Variants in NMT1 observed in about 807,000 individuals in gnomAD.
NMT1 encodes glycylpeptide N-tetradecanoyltransferase 1.
A neutral mutation model predicts 63.4 loss-of-function variants in NMT1; 12 were observed. The observed-to-expected ratio is 0.19, with a 90% CI of 0.12 to 0.31. The LOEUF (loss-of-function observed/expected upper bound fraction) is 0.31. Ranked by LOEUF, NMT1 falls within the 10% of genes least tolerant of loss-of-function variation. The pLI is 1.00. For synonymous variants in NMT1, 228 were observed against 234.3 expected, an observed-to-expected ratio of 0.97 and a Z score of 0.25; for missense variants, 432 against 634.6, an observed-to-expected ratio of 0.68 and a Z score of 3.43.
In NMT1 at chr17:45,097,124, C is replaced by T. The variant is rs758891846; in HGVS notation, c.597-4C>T. On this transcript the variant is annotated splice_region_variant and splice_polypyrimidine_tract_variant and intron_variant, in intron 5 of 11. Coordinates refer to ENST00000258960, the MANE Select transcript of NMT1 (RefSeq NM_021079.5). ...GCACAACCACCCCAGCCTCTCTTTT[C>T]CAGGGCTCTCCGGCCACCCGGCTGG... 1.9e-5 allele frequency: 30 copies of T among 1,613,302 alleles called. No homozygotes were observed. The highest frequency in any genetic ancestry group is 2.3e-5 in the Non-Finnish European group (27 of 1,179,312).
intron 1 of NMT1, among the ~76,000 whole-genome samples, chr17:45,066,980 A>T: frequency 6.6e-6 from 1 of 152,106 alleles, no homozygotes; most frequent in East Asian, 1.9e-4. Flanking sequence ...TTGGCCTCCC[A>T]AACTGCTGGG....
rs552282490 is a variant in NMT1, at chr17:45,069,323, G to A, written c.131+7863G>A. On this transcript the variant is annotated intron_variant, in intron 1 of 11. Transcript: ENST00000258960. ...TTATTTATTTTTGAGACAGAGTCTC[G>A]CTCTGTTGCCCAGGCTGGAGTGCAG... 7.6e-4 allele frequency among the ~76,000 whole-genome samples: 101 copies of A among 132,576 alleles called. 2 individuals are homozygous for A. In the South Asian group the frequency reaches 0.023, roughly 31 times the overall value. The allele number at this position is 132,576 out of a possible 152,430, so 87.0% of individuals were successfully genotyped here.
At chr17:45,086,964 G>C (rs1486856336) in intron 3 of NMT1, among the ~76,000 whole-genome samples, 4 of 150,428 alleles carry the variant, frequency 2.7e-5, no homozygotes, top group Non-Finnish European at 5.9e-5. Context: ...TTCGAGACCA[G>C]CCTGGGCAAC....
At chr17:45,094,964 C>CA (rs1486402602) in intron 4 of NMT1, among the ~76,000 whole-genome samples, 1 of 151,856 alleles carries the variant, frequency 6.6e-6, no homozygotes, top group African/African-American at 2.4e-5. Flanking sequence ...AACCATCTGT[C>CA]ACCATGCATG....
chr17:45,072,373 C>T (rs113796265), intron 1 of NMT1, among the ~76,000 whole-genome samples: 1 of 151,592 alleles, frequency 6.6e-6, no homozygotes, highest in Non-Finnish European at 1.5e-5. Flanking sequence ...GATTCTTCTG[C>T]CTCAGCCTCC....
Position 45,096,176 on chromosome 17 carries a change from C to T in NMT1, c.505-18C>T. The T allele has an allele frequency of 2.5e-6, 4 of 1,589,928 alleles. No homozygotes were observed. Among genetic ancestry groups the T allele is most frequent in the Non-Finnish European group, 3.5e-6 (4 of 1,157,914 alleles). On this transcript the variant is annotated intron_variant, in intron 4 of 11. Transcript: ENST00000258960. Reference sequence around the variant, plus strand: ...ACCTGGCAGAATACCTCCAAGTGAGCTGCTTATTTCTTTACAGCTAAAAGA... The same window carrying T: ...ACCTGGCAGAATACCTCCAAGTGAGTTGCTTATTTCTTTACAGCTAAAAGA...
chr17:45,092,827 A>C (rs182326773), intron 3 of NMT1, among the ~76,000 whole-genome samples: 3 of 152,324 alleles, frequency 2.0e-5, no homozygotes, highest in African/African-American at 7.2e-5. Context: ...GAACACTGTT[A>C]CTGGGTTGGT....
chr17:45,098,984 T>C (rs1444461005), intron 7 of NMT1: 1 of 227,294 alleles, frequency 4.4e-6, no homozygotes, highest in African/African-American at 2.2e-5. Context: ...TAGAAAGTTG[T>C]TTAAAACAAT....
intron 1 of NMT1, among the ~76,000 whole-genome samples, chr17:45,071,890 C>T (rs992025131): frequency 2.6e-5 from 4 of 152,256 alleles, no homozygotes; most frequent in African/African-American, 7.2e-5. Context: ...CACACCACCA[C>T]ACCTGGCTGG....
chr17:45,079,386 G>A (rs566172606), intron 1 of NMT1, among the ~76,000 whole-genome samples: 2 of 151,984 alleles, frequency 1.3e-5, no homozygotes, highest in East Asian at 2.0e-4. Flanking sequence ...ACAGGCATAA[G>A]CCACCGCGCC....
Position 45,096,706 on chromosome 17 carries a change from G to A in NMT1, c.596+421G>A, listed in dbSNP as rs1208485550. On this transcript the variant is annotated intron_variant, in intron 5 of 11. Transcript: ENST00000258960. ...ATCCAGGAAGAGAGAGGCATGGGCC[G>A]AAATGGAGAGGGACTACCTGAAAGG... Among the ~76,000 whole-genome samples the A allele has an allele frequency of 2.0e-5, 3 of 152,206 alleles. No homozygotes were observed. The East Asian group carries it at 5.8e-4, about 29-fold the overall frequency.
In NMT1 at chr17:45,081,821, A is replaced by G; in HGVS notation, c.240+69A>G. 5 of 1,210,820 alleles carry G rather than the reference A, an allele frequency of 4.1e-6. No homozygotes were observed. The South Asian group carries it at 4.2e-5, about 10-fold the overall frequency. 75.0% of individuals were successfully genotyped at this position (1,210,820 alleles called of 1,614,324 possible). A position where few individuals can be genotyped will look rare whatever the true frequency, so the allele number is the denominator to read the frequency against. On this transcript the variant is annotated intron_variant, in intron 2 of 11. Transcript: ENST00000258960. ...CATGAGAGAGTTTTGAGGTGAATGT[A>G]TAGGATCAACTTGGATTGACGTTCT...
At chr17:45,074,421 A>G (rs950070146) in intron 1 of NMT1, among the ~76,000 whole-genome samples, 4 of 151,948 alleles carry the variant, frequency 2.6e-5, no homozygotes, top group African/African-American at 9.7e-5. Context: ...GGGTTTCACC[A>G]TGTTAGCCAG....
In NMT1 at chr17:45,104,181, A is replaced by C; in HGVS notation, c.1332+305A>C. The C allele has an allele frequency of 1.6e-5, 21 of 1,284,456 alleles. No individual in the cohort carries two copies. Among genetic ancestry groups the C allele is most frequent in the Non-Finnish European group, 2.1e-5 (21 of 1,003,348 alleles). The allele number at this position is 1,284,456 out of a possible 1,614,324, so 79.6% of individuals were successfully genotyped here. On this transcript the variant is annotated intron_variant, in intron 10 of 11. Coordinates refer to ENST00000258960, the MANE Select transcript of NMT1 (RefSeq NM_021079.5). The surrounding 1 kb of genome is among the most constrained non-coding windows in gnomAD (Gnocchi z 4.2). Reference sequence around the variant, plus strand: ...CCCTGGGAGGACAGGGCTTCTCCTCACAGCTTTCCCAGCGTGGGAAAGGGG... The same window carrying C: ...CCCTGGGAGGACAGGGCTTCTCCTCCCAGCTTTCCCAGCGTGGGAAAGGGG...
chr17:45,086,707 T>C (rs2054057423), intron 3 of NMT1, 55 bp downstream of exon 3: 1 of 1,532,256 alleles, frequency 6.5e-7, no homozygotes, highest in East Asian at 2.3e-5. Context: ...CTGCCTCAGC[T>C]GTGCCTTCAT....
rs1403213945 is a variant in NMT1, at chr17:45,108,001, C to T, written c.*2362C>T. On this transcript the variant is annotated 3_prime_UTR_variant, in exon 12 of 12. Coordinates refer to ENST00000258960, the MANE Select transcript of NMT1 (RefSeq NM_021079.5). ...TAGTCCCTGCGTTCTTCATTCAACC[C>T]CTTCTGGGACTTCAGCTCAGAGAGC... 6.6e-6 allele frequency: 1 copy of T among 152,258 alleles called. No homozygotes were observed. Among genetic ancestry groups the T allele is most frequent in the Non-Finnish European group, 1.5e-5 (1 of 68,066 alleles). The allele number at this position is 152,258 out of a possible 1,614,324, so 9.4% of individuals were successfully genotyped here.
intron 1 of NMT1, among the ~76,000 whole-genome samples, chr17:45,063,754 G>A (rs556116255): frequency 6.6e-6 from 1 of 152,228 alleles, no homozygotes; most frequent in East Asian, 1.9e-4. Flanking sequence ...AATTTAGCTG[G>A]GCATGGTGGC....
rs565629780 is a variant in NMT1 at position 45,104,050 on chromosome 17, G to A, written c.1332+174G>A. 7.2e-5 allele frequency: 112 copies of A among 1,548,100 alleles called. No homozygotes were observed. The African/African-American group carries it at 1.4e-3, about 19-fold the overall frequency. On this transcript the variant is annotated intron_variant, in intron 10 of 11. Transcript: ENST00000258960. This position sits in a 1 kb window ranked among gnomAD's most constrained non-coding sequence, Gnocchi z 4.2. ...TTAGGCAGAAACTCAAAACTTGGAG[G>A]GAACAAGGAGCATCCGAAGTGAAGG...
At chr17:45,063,434 G>T (rs932516919) in intron 1 of NMT1, among the ~76,000 whole-genome samples, 21 of 151,866 alleles carry the variant, frequency 1.4e-4, no homozygotes, top group Admixed American at 1.4e-3. Context: ...CTGAATCACA[G>T]ATGAGAGTTG....
Sources: allele counts gnomAD v4.1 joint callset (sites outside exome capture counted in the v4.1 genomes callset), GRCh38; gene constraint gnomAD v4.1.1; non-coding constraint Gnocchi (gnomAD v3.1); transcripts MANE v1.5; gene names NCBI Gene and HGNC (gene_info 2026-07-23, HGNC 2026-07-21).